PCCA: variants seen among roughly 807,000 people sequenced by gnomAD.
PCCA encodes propionyl-CoA carboxylase alpha chain, mitochondrial.
Under a neutral mutation model 101.3 loss-of-function variants are expected in PCCA, and 74 were observed. That is an observed-to-expected ratio of 0.73 (90% CI 0.61 to 0.89). The LOEUF (loss-of-function observed/expected upper bound fraction) is 0.89, where lower values mean the gene tolerates loss of function less well. PCCA is among the 40% of genes least tolerant of loss of function. The probability of loss-of-function intolerance (pLI) is 0.00; values close to 1 mark genes in which losing one functional copy is unlikely to be tolerated. For synonymous variants in PCCA, 294 were observed against 313.6 expected (o/e 0.94, Z 0.66); for missense variants, 891 against 907.0 (o/e 0.98, Z 0.23).
chr13:100,313,885 C>G (rs2067126257), intron 16 of PCCA, among the ~76,000 whole-genome samples: 1 of 152,024 alleles, frequency 6.6e-6, no homozygotes, highest in African/African-American at 2.4e-5. Context: ...TGACAGCAAC[C>G]TAACAGTTTC....
intron 19 of PCCA, among the ~76,000 whole-genome samples, chr13:100,406,177 A>T (rs550118641): frequency 6.6e-6 from 1 of 152,270 alleles, no homozygotes; most frequent in South Asian, 2.1e-4. Flanking sequence ...GCAAGTCAAG[A>T]TTCACTCCTT....
chr13:100,427,151 A>G (rs2079207090), intron 20 of PCCA, among the ~76,000 whole-genome samples: 1 of 152,250 alleles, frequency 6.6e-6, no homozygotes, highest in African/African-American at 2.4e-5. Context: ...TGGGAAGCAG[A>G]GGTTGCAGTG....
At chr13:100,302,609 G>A (rs1323336573) in intron 13 of PCCA, among the ~76,000 whole-genome samples, 6 of 151,974 alleles carry the variant, frequency 3.9e-5, no homozygotes, top group Non-Finnish European at 7.4e-5. Context: ...ACTTGAGTAT[G>A]TTTTGATGTA....
intron 12 of PCCA, among the ~76,000 whole-genome samples, chr13:100,293,557 TAGAA>T (rs1399573356): frequency 6.6e-6 from 1 of 152,218 alleles, no homozygotes; most frequent in Admixed American, 6.5e-5. Flanking sequence ...GAGTGTTTGA[TAGAA>T]AGAATGAGGA....
At chr13:100,214,425 G>A (rs775947812) in intron 7 of PCCA, among the ~76,000 whole-genome samples, 2 of 151,084 alleles carry the variant, frequency 1.3e-5, no homozygotes, top group African/African-American at 2.4e-5. Flanking sequence ...TTGTGTGTGT[G>A]TGTGTGTGTT....
intron 22 of PCCA, among the ~76,000 whole-genome samples, chr13:100,526,571 G>A (rs1263274047): frequency 1.3e-5 from 2 of 152,226 alleles, no homozygotes; most frequent in African/African-American, 2.4e-5. Flanking sequence ...TTCTCTAGGC[G>A]CTTCTGAGGC....
chr13:100,517,084 T>C (rs1029448199), intron 22 of PCCA, among the ~76,000 whole-genome samples: 1 of 149,696 alleles, frequency 6.7e-6, no homozygotes, highest in African/African-American at 2.5e-5. Context: ...TGTGTGTGTG[T>C]GTGTGTTTCA....
At chr13:100,155,362 A>G (rs1037769030) in intron 5 of PCCA, among the ~76,000 whole-genome samples, 2 of 152,220 alleles carry the variant, frequency 1.3e-5, no homozygotes, top group African/African-American at 2.4e-5. Flanking sequence ...ATTTGCTAGG[A>G]AAAAAGAAAT....
intron 6 of PCCA, among the ~76,000 whole-genome samples, chr13:100,203,437 C>G (rs891305424): frequency 6.6e-6 from 1 of 152,088 alleles, no homozygotes; most frequent in Non-Finnish European, 1.5e-5. Context: ...CGCCTTTAAT[C>G]CCAGAACTTT....
intron 4 of PCCA, among the ~76,000 whole-genome samples, chr13:100,143,008 C>T (rs947945771): frequency 6.6e-6 from 1 of 152,142 alleles, no homozygotes; most frequent in Non-Finnish European, 1.5e-5. Context: ...CTCTGATTCT[C>T]CCCCTTACAT....
intron 21 of PCCA, among the ~76,000 whole-genome samples, chr13:100,507,343 T>C (rs1190554174): frequency 6.6e-6 from 1 of 152,184 alleles, no homozygotes; most frequent in Non-Finnish European, 1.5e-5. Flanking sequence ...GCCCCCTTTA[T>C]CATGGGCACA....
In PCCA at chr13:100,234,150, T is replaced by TA. The variant is rs2060647095; in HGVS notation, c.601-1690dup. Among the ~76,000 whole-genome samples the TA allele has an allele frequency of 2.0e-5, 3 of 152,342 alleles. 1 individual carries two copies. The South Asian group carries it at 6.2e-4, about 32-fold the overall frequency. On this transcript the variant is annotated intron_variant, in intron 7 of 23. Transcript: ENST00000376285. ...TTCCTGTATTTTGTTCAAGAGGCACTAATTGTTCGCATTTGGCAGGTTTAA... is the reference window on the plus strand; with the variant it reads ...TTCCTGTATTTTGTTCAAGAGGCACTAAATTGTTCGCATTTGGCAGGTTTAA...
At chr13:100,089,258 T>G in intron 1 of PCCA, 33 bp downstream of exon 1, 1 of 1,458,210 alleles carries the variant, frequency 6.9e-7, no homozygotes, top group Non-Finnish European at 9.1e-7. Flanking sequence ...GGGTCCGGGC[T>G]TCACTGGGCT....
At position 100,417,331 on chromosome 13, in the gene PCCA, G is replaced by T. The variant is rs1254250013; in HGVS notation, c.1747-8302G>T. Among the ~76,000 whole-genome samples, 4 of 152,204 alleles carry T rather than the reference G, an allele frequency of 2.6e-5. No individual in the cohort carries two copies. The South Asian group carries it at 8.3e-4, about 31-fold the overall frequency. On this transcript the variant is annotated intron_variant, in intron 19 of 23. Transcript: ENST00000376285. ...ATTAGCATTTAGCCTTTAAGTGACG[G>T]TGGAATGGTGAGGCATATGATGTTT... is the stretch of plus-strand genomic sequence containing the variant.
At chr13:100,520,703 A>T (rs982322640) in intron 22 of PCCA, among the ~76,000 whole-genome samples, 3 of 151,030 alleles carry the variant, frequency 2.0e-5, no homozygotes, top group Non-Finnish European at 4.4e-5. Context: ...AGTAGATAAG[A>T]GGAGGCAGAA....
At position 100,154,975 on chromosome 13, in the gene PCCA, T is replaced by G; in HGVS notation, c.301-4T>G. ...TCTGTTAATGCAGAAATTTGTCTCCTCAGGTTCATGTGAAAATGGCGGATG... is the reference window on the plus strand; with the variant it reads ...TCTGTTAATGCAGAAATTTGTCTCCGCAGGTTCATGTGAAAATGGCGGATG... On this transcript the variant is annotated splice_region_variant and splice_polypyrimidine_tract_variant and intron_variant, in intron 4 of 23. Transcript: ENST00000376285. The G allele has an allele frequency of 6.2e-7, 1 of 1,608,836 alleles. No individual in the cohort carries two copies. The highest frequency in any genetic ancestry group is 8.5e-7 in the Non-Finnish European group (1 of 1,175,158).
chr13:100,370,473 A>G (rs1202699606), intron 19 of PCCA, among the ~76,000 whole-genome samples: 1 of 152,144 alleles, frequency 6.6e-6, no homozygotes, highest in Non-Finnish European at 1.5e-5. Context: ...AATTATCTCC[A>G]GCTTCACTTT....
chr13:100,305,129 T>C (rs959174560), intron 14 of PCCA, among the ~76,000 whole-genome samples: 3 of 152,210 alleles, frequency 2.0e-5, no homozygotes, highest in African/African-American at 7.2e-5. Context: ...GCAGCATAAA[T>C]AGTAAATTAT....
intron 6 of PCCA, among the ~76,000 whole-genome samples, chr13:100,173,370 G>C (rs2055899096): frequency 6.6e-6 from 1 of 152,116 alleles, no homozygotes; most frequent in Non-Finnish European, 1.5e-5. Context: ...TAGGGGACAG[G>C]AATAACGGCA....
Sources: allele counts gnomAD v4.1 joint callset (sites outside exome capture counted in the v4.1 genomes callset), GRCh38; gene constraint gnomAD v4.1.1; transcripts MANE v1.5; gene names NCBI Gene and HGNC (gene_info 2026-07-23, HGNC 2026-07-21).